The following IL6R variants were observed in gnomAD, a reference collection of about 807,000 sequenced individuals.
The protein encoded by IL6R is interleukin 6 receptor.
In IL6R, 38 loss-of-function variants were observed where a neutral mutation model predicts 48.3. The observed-to-expected ratio is 0.79, with a 90% CI of 0.61 to 1.03. IL6R has a LOEUF of 1.03. IL6R is among the 50% of genes least tolerant of loss of function. The pLI, the probability that IL6R is intolerant of heterozygous loss-of-function variation, is 0.00. For missense variants in IL6R, 534 were observed against 618.3 expected (o/e 0.86, Z 1.45); for synonymous variants, 264 against 256.2 (o/e 1.03, Z -0.29).
At chr1:154,441,243 T>G (rs1411247521) in intron 6 of IL6R, among the ~76,000 whole-genome samples, 1 of 152,158 alleles carries the variant, frequency 6.6e-6, no homozygotes, top group East Asian at 1.9e-4. Context: ...TGGATGTCCC[T>G]CTTTAAGTTG....
chr1:154,428,324 G>C (rs573733599), intron 1 of IL6R, among the ~76,000 whole-genome samples: 1 of 152,040 alleles, frequency 6.6e-6, no homozygotes, highest in Admixed American at 6.6e-5. Flanking sequence ...TGTAGTAGAT[G>C]TAGGGTACTG....
Position 154,447,494 on chromosome 1 carries a change from CACACACACAT to C in IL6R, c.950-629_950-620del, listed in dbSNP as rs1690313988. Among the ~76,000 whole-genome samples, 3 of 69,022 alleles carry C rather than the reference CACACACACAT, an allele frequency of 4.3e-5. No individual in the cohort carries two copies. The Admixed American group carries it at 5.3e-4, about 12-fold the overall frequency. 45.3% of individuals were successfully genotyped at this position (69,022 alleles called of 152,430 possible). ...ATATATATACACACACACACACACACACACACACATATATATATACACACATACATATATA... is the reference window on the plus strand; with the variant it reads ...ATATATATACACACACACACACACACATATATATACACACATACATATATA... On this transcript the variant is annotated intron_variant, in intron 6 of 9. Coordinates refer to ENST00000368485, the MANE Select transcript of IL6R (RefSeq NM_000565.4).
At chr1:154,428,168 G>A (rs938445252) in intron 1 of IL6R, among the ~76,000 whole-genome samples, 2 of 152,000 alleles carry the variant, frequency 1.3e-5, no homozygotes, top group African/African-American at 2.4e-5. Context: ...CTCTATAACT[G>A]CTACTCAAAA....
At chr1:154,440,896 G>A (rs1018352956) in intron 6 of IL6R, among the ~76,000 whole-genome samples, 92 of 152,182 alleles carry the variant, frequency 6.0e-4, no homozygotes, top group African/African-American at 2.0e-3. Context: ...CAAGTGATCT[G>A]CCCATCTATG....
At position 154,465,707 on chromosome 1, in the gene IL6R, G is replaced by A; in HGVS notation, c.*327G>A. 1 of 318,258 alleles carries A rather than the reference G, an allele frequency of 3.1e-6. No homozygotes were observed. The highest frequency in any genetic ancestry group is 3.6e-5 in the South Asian group (1 of 27,940). The allele number at this position is 318,258 out of a possible 1,614,324, so 19.7% of individuals were successfully genotyped here. The stretch of plus-strand genomic sequence containing the variant: ...TGGGCAGGTTGGTGGGGGCCTCGGT[G>A]TGGAGAAGCGGCTGGCAGCCCACCC... On this transcript the variant is annotated 3_prime_UTR_variant, in exon 10 of 10. Coordinates refer to ENST00000368485, the MANE Select transcript of IL6R (RefSeq NM_000565.4).
Position 154,469,233 on chromosome 1 carries a change from T to C in IL6R, c.*3853T>C, listed in dbSNP as rs1691683994. On this transcript the variant is annotated 3_prime_UTR_variant, in exon 10 of 10. Coordinates refer to ENST00000368485, the MANE Select transcript of IL6R (RefSeq NM_000565.4). ...CTTATTGGATGGAGATCACATCTGTTAAATAGAATACCTCAACTCTACGTT... is the reference window on the plus strand; with the variant it reads ...CTTATTGGATGGAGATCACATCTGTCAAATAGAATACCTCAACTCTACGTT... 6.6e-6 allele frequency: 1 copy of C among 152,226 alleles called. No homozygotes were observed. Among genetic ancestry groups the C allele is most frequent in the African/African-American group, 2.4e-5 (1 of 41,462 alleles). The allele number at this position is 152,226 out of a possible 1,614,324, so 9.4% of individuals were successfully genotyped here.
At chr1:154,435,193 C>A (rs1018237093) in intron 5 of IL6R, 37 bp downstream of exon 5, 11 of 1,597,364 alleles carry the variant, frequency 6.9e-6, no homozygotes, top group Non-Finnish European at 9.4e-6. Context: ...GAGAGGCGCC[C>A]CTAGATGCTT....
chr1:154,419,743 A>G (rs1053119561), intron 1 of IL6R, among the ~76,000 whole-genome samples: 2 of 152,144 alleles, frequency 1.3e-5, no homozygotes, highest in Non-Finnish European at 2.9e-5. Flanking sequence ...TGCTGGCAAG[A>G]GCTGCGGCAA....
intron 1 of IL6R, among the ~76,000 whole-genome samples, chr1:154,422,091 T>A (rs966541861): frequency 6.6e-6 from 1 of 152,052 alleles, no homozygotes; most frequent in Non-Finnish European, 1.5e-5. Flanking sequence ...GGATTACAGG[T>A]GTGTGCCACC....
At chr1:154,421,567 C>T (rs1432545511) in intron 1 of IL6R, among the ~76,000 whole-genome samples, 1 of 152,214 alleles carries the variant, frequency 6.6e-6, no homozygotes, top group Non-Finnish European at 1.5e-5. Flanking sequence ...GGTCTTCCTT[C>T]CCTCCTTACT....
chr1:154,411,670 G>A (rs1215870306), intron 1 of IL6R, among the ~76,000 whole-genome samples: 1 of 152,152 alleles, frequency 6.6e-6, no homozygotes, highest in Admixed American at 6.5e-5. Flanking sequence ...CACCAGCTAG[G>A]GGACCTTTGG....
chr1:154,426,531 AAAAAG>A (rs1415638571), intron 1 of IL6R, among the ~76,000 whole-genome samples: 2 of 151,928 alleles, frequency 1.3e-5, no homozygotes, highest in Non-Finnish European at 1.5e-5. Flanking sequence ...AAAAAAAAAA[AAAAAG>A]AAAGAAAAGA....
chr1:154,435,208 G>A lies in IL6R; in HGVS notation c.807+52G>A, dbSNP rs190619194. 1.5e-4 allele frequency: 235 copies of A among 1,559,156 alleles called. 2 individuals carry two copies. The African/African-American group carries it at 2.2e-3, about 15-fold the overall frequency. On this transcript the variant is annotated intron_variant, in intron 5 of 9. Transcript: ENST00000368485. Reference sequence around the variant, plus strand: ...GAGAGGCGCCCCTAGATGCTTAGGCGTAGTAGAAAGGGTACTAGAGGCCAG... The same window carrying A: ...GAGAGGCGCCCCTAGATGCTTAGGCATAGTAGAAAGGGTACTAGAGGCCAG...
chr1:154,446,107 A>G (rs1690213906), intron 6 of IL6R, among the ~76,000 whole-genome samples: 1 of 152,030 alleles, frequency 6.6e-6, no homozygotes, highest in Admixed American at 6.6e-5. Flanking sequence ...TAGTGCCTCC[A>G]TGCCCTCAGG....
intron 9 of IL6R, among the ~76,000 whole-genome samples, chr1:154,461,546 G>A (rs888233669): frequency 3.9e-5 from 6 of 152,056 alleles, no homozygotes; most frequent in African/African-American, 1.4e-4. Flanking sequence ...CCCTATACCC[G>A]CCGGTTATTC....
chr1:154,462,884 T>C lies in IL6R; in HGVS notation c.1161-2250T>C, dbSNP rs183022212. ...GTGCAGTGGCACAATCTCAGCACAC[T>C]GCAACCTCTGCTTCCTGGGTTCAAG... On this transcript the variant is annotated intron_variant, in intron 9 of 9. Transcript: ENST00000368485. 1.3e-4 allele frequency among the ~76,000 whole-genome samples: 20 copies of C among 152,278 alleles called. No homozygotes were observed. In the East Asian group the frequency reaches 3.5e-3, roughly 26 times the overall value.
chr1:154,448,678 T>C (rs1443076535), intron 7 of IL6R, among the ~76,000 whole-genome samples: 1 of 152,080 alleles, frequency 6.6e-6, no homozygotes, highest in Non-Finnish European at 1.5e-5. Context: ...AGCCTGGGGC[T>C]CTTGAACCTT....
intron 6 of IL6R, among the ~76,000 whole-genome samples, chr1:154,444,685 C>T (rs556755205): frequency 7.2e-5 from 11 of 152,162 alleles, no homozygotes; most frequent in Admixed American, 2.6e-4. Context: ...ATTGCCTGAG[C>T]CCAGGAGATA....
intron 7 of IL6R, among the ~76,000 whole-genome samples, chr1:154,448,385 C>T (rs184721390): frequency 4.3e-4 from 66 of 152,322 alleles, no homozygotes; most frequent in African/African-American, 1.4e-3. Flanking sequence ...GCTGGCCTGG[C>T]GTGCAGAACT....
Sources: gnomAD v4.1 joint callset for allele counts (sites outside exome capture counted in the v4.1 genomes callset) on GRCh38, gnomAD v4.1.1 for gene constraint, MANE v1.5 for transcripts, NCBI Gene and HGNC (gene_info 2026-07-23, HGNC 2026-07-21) for gene names.